The following ADAMTS17 variants were observed in gnomAD, a reference collection of about 807,000 sequenced individuals.
The protein encoded by ADAMTS17 is A disintegrin and metalloproteinase with thrombospondin motifs 17.
Under a neutral mutation model 141.5 loss-of-function variants are expected in ADAMTS17, and 113 were observed. The ratio of observed to expected loss-of-function variants is 0.80; its 90% CI spans 0.69 to 0.93. The LOEUF is 0.93. Among genes scored for constraint, ADAMTS17 ranks in the 40% least tolerant of loss-of-function variants. The probability of loss-of-function intolerance (pLI) is 0.00; values close to 1 mark genes in which losing one functional copy is unlikely to be tolerated. For synonymous variants in ADAMTS17, 768 were observed against 630.6 expected, an observed-to-expected ratio of 1.22 and a Z score of -3.27; for missense variants, 1,659 against 1,517.9, an observed-to-expected ratio of 1.09 and a Z score of -1.54.
At chr15:100,056,328 A>G (rs564112290) in intron 15 of ADAMTS17, among the ~76,000 whole-genome samples, 54 of 152,178 alleles carry the variant, frequency 3.5e-4, no homozygotes, top group Admixed American at 1.7e-3. Flanking sequence ...GAAGGAGCAG[A>G]TAGAAAAAAC....
chr15:100,106,822 C>T (rs771643549), intron 14 of ADAMTS17, among the ~76,000 whole-genome samples: 7 of 152,204 alleles, frequency 4.6e-5, no homozygotes, highest in South Asian at 2.1e-4. Context: ...CAAGAACCAT[C>T]GGCGATGCCT....
At chr15:100,287,213 G>A (rs2044475065) in intron 3 of ADAMTS17, among the ~76,000 whole-genome samples, 2 of 152,088 alleles carry the variant, frequency 1.3e-5, no homozygotes, top group African/African-American at 4.8e-5. Flanking sequence ...AAGATCTGAT[G>A]GAGCTGAAAA....
intron 13 of ADAMTS17, among the ~76,000 whole-genome samples, chr15:100,114,190 GA>G (rs370163546): frequency 1.4e-5 from 2 of 146,824 alleles, no homozygotes; most frequent in African/African-American, 2.5e-5. Flanking sequence ...AAAGGAAGAG[GA>G]AAAAAAAGAA....
intron 7 of ADAMTS17, among the ~76,000 whole-genome samples, chr15:100,246,979 G>A (rs1567423333): frequency 6.6e-6 from 1 of 151,992 alleles, no homozygotes; most frequent in South Asian, 2.1e-4. Context: ...CATCTCCCAG[G>A]TTCAAGCGAT....
intron 8 of ADAMTS17, among the ~76,000 whole-genome samples, chr15:100,160,949 G>T (rs9806684): frequency 0.62 from 94,503 of 152,048 alleles, 29,838 homozygotes; most frequent in African/African-American, 0.72. Flanking sequence ...ACTCATATTA[G>T]TTTAAGTTTA....
chr15:100,201,529 A>G (rs7171083), intron 7 of ADAMTS17, among the ~76,000 whole-genome samples: 44,737 of 152,104 alleles, frequency 0.29, 7,621 homozygotes, highest in African/African-American at 0.46. Context: ...CTCCTTCCTC[A>G]TCCGCTCCAA....
intron 10 of ADAMTS17, among the ~76,000 whole-genome samples, chr15:100,146,831 G>A (rs28817610): frequency 0.39 from 40,712 of 104,996 alleles, 5,793 homozygotes; most frequent in Middle Eastern, 0.45. Context: ...AGACTGCAGA[G>A]GTGAAATAGA....
intron 9 of ADAMTS17, 121 bp downstream of exon 9, chr15:100,155,059 C>T: frequency 6.8e-7 from 1 of 1,474,580 alleles, no homozygotes; most frequent in South Asian, 1.2e-5. Flanking sequence ...CCTCCTGAGG[C>T]TAGATGCAAA....
At chr15:100,288,043 C>T (rs55785838) in intron 3 of ADAMTS17, among the ~76,000 whole-genome samples, 1,806 of 152,218 alleles carry the variant, frequency 0.012, 37 homozygotes, top group African/African-American at 0.042. Context: ...ACTAAAGGCC[C>T]CAGTCAAAAG....
At chr15:100,151,619 T>C (rs2039168607) in intron 10 of ADAMTS17, among the ~76,000 whole-genome samples, 1 of 152,198 alleles carries the variant, frequency 6.6e-6, no homozygotes, top group Admixed American at 6.5e-5. Flanking sequence ...ACCTGCTGCC[T>C]GGCTGCTGAG....
At chr15:100,026,744 T>C (rs776037851) in intron 18 of ADAMTS17, among the ~76,000 whole-genome samples, 14 of 152,222 alleles carry the variant, frequency 9.2e-5, no homozygotes, top group Non-Finnish European at 1.9e-4. Flanking sequence ...TTCTAAGAAA[T>C]TGGATTTGTC....
At chr15:100,301,263 T>C (rs748761010) in intron 3 of ADAMTS17, among the ~76,000 whole-genome samples, 1 of 152,134 alleles carries the variant, frequency 6.6e-6, no homozygotes, top group East Asian at 1.9e-4. Context: ...TAAAAGTTGA[T>C]AATGGTTGAT....
chr15:100,055,477 C>A (rs912164329), intron 15 of ADAMTS17, among the ~76,000 whole-genome samples: 3 of 152,178 alleles, frequency 2.0e-5, no homozygotes, highest in Non-Finnish European at 2.9e-5. Flanking sequence ...AGGCTCAGGG[C>A]TTCTCGTGTT....
intron 13 of ADAMTS17, among the ~76,000 whole-genome samples, chr15:100,115,951 G>T (rs2037089052): frequency 1.3e-5 from 2 of 152,102 alleles, no homozygotes; most frequent in African/African-American, 4.8e-5. Context: ...GTCAGCTGCA[G>T]GTGCTTAGAG....
chr15:100,079,788 T>C (rs1425812127), intron 15 of ADAMTS17, among the ~76,000 whole-genome samples: 3 of 152,190 alleles, frequency 2.0e-5, no homozygotes, highest in African/African-American at 7.2e-5. Flanking sequence ...CGGAATGCCT[T>C]ATCCACCATC....
chr15:100,167,893 C>T (rs768231224), intron 8 of ADAMTS17, among the ~76,000 whole-genome samples: 6 of 152,266 alleles, frequency 3.9e-5, no homozygotes, highest in South Asian at 2.1e-4. Context: ...TACCCATGCA[C>T]GTGATGAATG....
intron 15 of ADAMTS17, among the ~76,000 whole-genome samples, chr15:100,082,176 C>A (rs1350106893): frequency 6.6e-6 from 1 of 152,036 alleles, no homozygotes; most frequent in East Asian, 1.9e-4. Context: ...AGCGATTCTC[C>A]TGCCTCGGCC....
At chr15:100,203,701 T>C (rs750474217) in intron 7 of ADAMTS17, among the ~76,000 whole-genome samples, 20 of 151,942 alleles carry the variant, frequency 1.3e-4, no homozygotes, top group Non-Finnish European at 1.9e-4. Flanking sequence ...CAAGACTCTT[T>C]CTCAAACAAA....
At chr15:100,257,464 G>A (rs1233238748) in intron 6 of ADAMTS17, among the ~76,000 whole-genome samples, 1 of 152,252 alleles carries the variant, frequency 6.6e-6, no homozygotes. Context: ...ACAGCAGCAG[G>A]TGAGAGGGAC....
Sources: gnomAD v4.1 joint callset for allele counts (sites outside exome capture counted in the v4.1 genomes callset) on GRCh38, gnomAD v4.1.1 for gene constraint, MANE v1.5 for transcripts, NCBI Gene and HGNC (gene_info 2026-07-23, HGNC 2026-07-21) for gene names.